The following MAST4 variants were observed in gnomAD, a reference collection of about 807,000 sequenced individuals.
The protein encoded by MAST4 is microtubule associated serine/threonine kinase family member 4, also known as microtubule-associated serine/threonine-protein kinase 4.
In MAST4, 89 loss-of-function variants were observed where a neutral mutation model predicts 162.7. That is an observed-to-expected ratio of 0.55 (90% CI 0.46 to 0.65). The LOEUF (loss-of-function observed/expected upper bound fraction) is 0.65. Ranked by LOEUF, MAST4 falls within the 30% of genes least tolerant of loss-of-function variation. The probability of loss-of-function intolerance (pLI) is 0.00; values close to 1 mark genes in which losing one functional copy is unlikely to be tolerated. For missense variants in MAST4, 3,153 were observed against 3,374.0 expected (o/e 0.93, Z 1.62); for synonymous variants, 1,479 against 1,361.1 (o/e 1.09, Z -1.91).
intron 3 of MAST4, among the ~76,000 whole-genome samples, chr5:66,800,823 T>C (rs2149696017): frequency 6.6e-6 from 1 of 152,316 alleles, no homozygotes; most frequent in East Asian, 1.9e-4. Context: ...TCTTCATGAA[T>C]CTTCTTTTTG....
rs73098013 is a variant in MAST4, at chr5:66,821,577, C to T, written c.642+32783C>T. 6.0e-3 allele frequency among the ~76,000 whole-genome samples: 910 copies of T among 152,228 alleles called. 10 individuals carry two copies. The highest frequency in any genetic ancestry group is 0.021 in the African/African-American group (875 of 41,544). ...CCTAAAGAGTAGCCATTAATAACAG[C>T]AGGCGGTAGTATTGTAATATTATGG... On this transcript the variant is annotated intron_variant, in intron 3 of 28. Transcript: ENST00000403625.
chr5:66,789,730 T>C (rs2149676777), intron 3 of MAST4: 1 of 518,932 alleles, frequency 1.9e-6, no homozygotes, highest in South Asian at 1.4e-5. Flanking sequence ...TTCTCCACTG[T>C]AGTTACCACT....
chr5:67,004,487 A>G (rs1299671965), intron 4 of MAST4: 1 of 153,830 alleles, frequency 6.5e-6, no homozygotes, highest in Non-Finnish European at 1.4e-5. Flanking sequence ...TTGTATGTAG[A>G]TACCAAAAGG....
Position 67,104,393 on chromosome 5 carries a change from A to G in MAST4, c.1174A>G (p.Lys392Glu), listed in dbSNP as rs1382430469. The change falls in exon 10 of 29, where the codon AAG becomes GAG. Residue 392 changes from lysine to glutamate, a missense_variant. Coordinates refer to ENST00000403625, the MANE Select transcript of MAST4 (RefSeq NM_001164664.2). ...KATAQMEERLKEIITSYSPDN... is the reference protein window; with the variant it reads ...KATAQMEERLEEIITSYSPDN... ...TACAGCTCAGATGGAAGAACGTCTA[A>G]AGGAAATTATCACCAGCTACTCTCC... 6.2e-7 allele frequency: 1 copy of G among 1,613,696 alleles called. No individual in the cohort carries two copies. The highest frequency in any genetic ancestry group is 2.2e-5 in the East Asian group (1 of 44,876).
chr5:67,067,985 C>T (rs942662132), intron 5 of MAST4, among the ~76,000 whole-genome samples: 1 of 152,174 alleles, frequency 6.6e-6, no homozygotes, highest in Non-Finnish European at 1.5e-5. Context: ...ACCCAGTGCA[C>T]CTAGTGTCCA....
chr5:67,026,790 C>T (rs1283197780), intron 4 of MAST4, among the ~76,000 whole-genome samples: 7 of 152,038 alleles, frequency 4.6e-5, no homozygotes, highest in African/African-American at 7.2e-5. Flanking sequence ...ATGGAAAAAA[C>T]AATTCATTTT....
At chr5:66,801,299 T>C (rs1488921555) in intron 3 of MAST4, among the ~76,000 whole-genome samples, 1 of 151,390 alleles carries the variant, frequency 6.6e-6, no homozygotes, top group East Asian at 1.9e-4. Context: ...ACCGAGAGGA[T>C]TGGAGAATCC....
chr5:66,944,334 A>C (rs1743731031), intron 4 of MAST4, among the ~76,000 whole-genome samples: 1 of 152,130 alleles, frequency 6.6e-6, no homozygotes, highest in Admixed American at 6.6e-5. Context: ...AGTACTTTTA[A>C]AATAAAAATC....
At chr5:66,976,678 G>A (rs766413396) in intron 4 of MAST4, among the ~76,000 whole-genome samples, 2 of 152,210 alleles carry the variant, frequency 1.3e-5, no homozygotes, top group African/African-American at 2.4e-5. Context: ...CTAGCATTCA[G>A]GAGGGAGATC....
chr5:66,619,394 A>T (rs1743929953), intron 1 of MAST4, among the ~76,000 whole-genome samples: 1 of 98,512 alleles, frequency 1.0e-5, no homozygotes, highest in Admixed American at 9.8e-5. Context: ...CTCCCTGAAA[A>T]CTCATAAAAA....
intron 1 of MAST4, among the ~76,000 whole-genome samples, chr5:66,696,774 G>A (rs535720045): frequency 1.3e-5 from 2 of 151,320 alleles, no homozygotes; most frequent in East Asian, 1.9e-4. Flanking sequence ...ATTTACATTT[G>A]CACTGATTGG....
chr5:66,670,713 A>G (rs1747552378), intron 1 of MAST4, among the ~76,000 whole-genome samples: 1 of 151,986 alleles, frequency 6.6e-6, no homozygotes, highest in Admixed American at 6.6e-5. Flanking sequence ...CAAGAAGATG[A>G]AGGGCTGTGA....
At chr5:66,869,991 C>T (rs1192086614) in intron 3 of MAST4, among the ~76,000 whole-genome samples, 1 of 152,120 alleles carries the variant, frequency 6.6e-6, no homozygotes. Flanking sequence ...ATTAATGAGG[C>T]CCCATTCCAA....
chr5:66,935,669 T>TTTTC (rs1384554438), intron 4 of MAST4, among the ~76,000 whole-genome samples: 2 of 147,290 alleles, frequency 1.4e-5, no homozygotes, highest in African/African-American at 2.6e-5. Flanking sequence ...TTTCTTTCTT[T>TTTTC]CTTTCTTTTT....
rs1774077388 is a variant in MAST4 at position 67,166,851 on chromosome 5, G to A, written c.7672G>A (p.Gly2558Arg). The stretch of plus-strand genomic sequence containing the variant: ...GGCTCTCTCGGTGACTGCCACCGTA[G>A]GGGAAACCAAAGGGAAGGACCCTGC... ...DRALSVTATVGETKGKDPAPA... is the reference protein window; with the variant it reads ...DRALSVTATVRETKGKDPAPA... Residue 2558 changes from glycine to arginine, a missense_variant, in exon 29 of 29, where the codon GGG becomes AGG. Gly to Arg is a moderately radical substitution (Grantham distance 125, BLOSUM62 -2). Around this residue, in one of 7 missense-constraint regions of MAST4, gnomAD observed 1,644 missense variants for 1,495.0 expected, o/e 1.10. Coordinates refer to ENST00000403625, the MANE Select transcript of MAST4 (RefSeq NM_001164664.2). The A allele has an allele frequency of 6.2e-7, 1 of 1,605,864 alleles. No homozygotes were observed. The highest frequency in any genetic ancestry group is 1.7e-5 in the Admixed American group (1 of 58,746).
intron 26 of MAST4, among the ~76,000 whole-genome samples, chr5:67,158,269 T>C (rs1237806229): frequency 6.6e-6 from 1 of 152,262 alleles, no homozygotes; most frequent in Non-Finnish European, 1.5e-5. Flanking sequence ...TTTTAATGTT[T>C]TGGGGCTTGC....
chr5:66,702,231 C>G (rs1749826640), intron 1 of MAST4, among the ~76,000 whole-genome samples: 1 of 152,154 alleles, frequency 6.6e-6, no homozygotes, highest in Non-Finnish European at 1.5e-5. Context: ...GATCCTCATC[C>G]CAGTGGTCCC....
intron 5 of MAST4, among the ~76,000 whole-genome samples, chr5:67,082,113 T>A (rs1762724047): frequency 6.6e-6 from 1 of 151,972 alleles, no homozygotes; most frequent in Non-Finnish European, 1.5e-5. Context: ...GCAACCCAAA[T>A]TGAGGGACAT....
Position 67,159,384 on chromosome 5 carries a change from T to C in MAST4, c.3649-1072T>C, listed in dbSNP as rs547620453. On this transcript the variant is annotated intron_variant, in intron 26 of 28. Transcript: ENST00000403625. ...TATTATCTTCTTACTGTAGCATGGA[T>C]TACTTCCCAAATCAAGGGGGAAGGT... Among the ~76,000 whole-genome samples, 126 of 152,290 alleles carry C rather than the reference T, an allele frequency of 8.3e-4. 1 individual carries two copies. The highest frequency in any genetic ancestry group is 3.0e-3 in the African/African-American group (126 of 41,576).
Sources: gnomAD v4.1 joint callset for allele counts (sites outside exome capture counted in the v4.1 genomes callset) on GRCh38, gnomAD v4.1.1 for gene constraint, gnomAD v4.1.1 regional missense constraint, MANE v1.5 for transcripts, NCBI Gene and HGNC (gene_info 2026-07-23, HGNC 2026-07-21) for gene names.